Variants in CERS6 observed in about 807,000 individuals in gnomAD.
CERS6 encodes ceramide synthase 6.
CERS6 carries 26 observed loss-of-function variants against 56.8 expected under a neutral mutation model. The ratio of observed to expected loss-of-function variants is 0.46; its 90% CI spans 0.34 to 0.63. The LOEUF (loss-of-function observed/expected upper bound fraction) is 0.63. Ranked by LOEUF, CERS6 falls within the 30% of genes least tolerant of loss-of-function variation. The pLI, the probability that CERS6 is intolerant of heterozygous loss-of-function variation, is 0.01. For missense variants in CERS6, 415 were observed against 467.5 expected (o/e 0.89, Z 1.04); for synonymous variants, 164 against 173.3 (o/e 0.95, Z 0.42).
At chr2:168,750,452 A>G (rs137878946) in intron 8 of CERS6, among the ~76,000 whole-genome samples, 193 of 152,326 alleles carry the variant, frequency 1.3e-3, no homozygotes, top group African/African-American at 4.4e-3. Flanking sequence ...TGTTTCTAAC[A>G]TTTTATGTGT....
chr2:168,625,159 A>T (rs1684562513), intron 3 of CERS6, among the ~76,000 whole-genome samples: 1 of 152,200 alleles, frequency 6.6e-6, no homozygotes, highest in Non-Finnish European at 1.5e-5. Flanking sequence ...TGAAATGAGA[A>T]TGTCTCAATT....
chr2:168,681,787 C>T (rs1339675084), intron 4 of CERS6, among the ~76,000 whole-genome samples: 2 of 152,120 alleles, frequency 1.3e-5, no homozygotes, highest in Non-Finnish European at 2.9e-5. Flanking sequence ...TGGCTAACCC[C>T]CTCCCCTTAC....
At chr2:168,738,941 A>G (rs1025498807) in intron 8 of CERS6, among the ~76,000 whole-genome samples, 4 of 151,826 alleles carry the variant, frequency 2.6e-5, no homozygotes, top group Admixed American at 1.3e-4. Flanking sequence ...GCTGGAGTGC[A>G]GCGGCACTAT....
At chr2:168,722,493 T>G (rs1041602106) in intron 8 of CERS6, among the ~76,000 whole-genome samples, 50 of 152,238 alleles carry the variant, frequency 3.3e-4, no homozygotes, top group African/African-American at 1.1e-3. Flanking sequence ...TTCATTCTTG[T>G]GTGTGTGGAT....
chr2:168,512,112 T>A (rs1399806292), intron 1 of CERS6, among the ~76,000 whole-genome samples: 3 of 152,188 alleles, frequency 2.0e-5, no homozygotes, highest in Admixed American at 1.3e-4. Flanking sequence ...TCCACTCATA[T>A]AAGGTACCTA....
chr2:168,661,369 G>A (rs1685625684), intron 4 of CERS6, among the ~76,000 whole-genome samples: 1 of 152,134 alleles, frequency 6.6e-6, no homozygotes, highest in Non-Finnish European at 1.5e-5. Flanking sequence ...TAATTATAAA[G>A]AATTTCCCAA....
intron 4 of CERS6, among the ~76,000 whole-genome samples, chr2:168,649,888 C>A (rs908745078): frequency 6.6e-6 from 1 of 152,080 alleles, no homozygotes; most frequent in African/African-American, 2.4e-5. Context: ...CTTCCCCAAA[C>A]TTACTGTAAG....
At chr2:168,663,228 A>C (rs1685677736) in intron 4 of CERS6, among the ~76,000 whole-genome samples, 2 of 152,166 alleles carry the variant, frequency 1.3e-5, no homozygotes. Flanking sequence ...CAAACTTAAA[A>C]ATGATAGTAC....
intron 8 of CERS6, among the ~76,000 whole-genome samples, chr2:168,754,578 A>G (rs1026175353): frequency 6.6e-6 from 1 of 152,100 alleles, no homozygotes; most frequent in African/African-American, 2.4e-5. Flanking sequence ...GATGGGTGGA[A>G]TTTGATCCCT....
chr2:168,651,306 A>G (rs767525703), intron 4 of CERS6, among the ~76,000 whole-genome samples: 1 of 152,120 alleles, frequency 6.6e-6, no homozygotes, highest in Non-Finnish European at 1.5e-5. Flanking sequence ...AACCATTAGA[A>G]CCAAGCCACA....
At chr2:168,477,790 G>T (rs773346100) in intron 1 of CERS6, among the ~76,000 whole-genome samples, 24 of 152,200 alleles carry the variant, frequency 1.6e-4, no homozygotes, top group Non-Finnish European at 3.1e-4. Context: ...GATTGAACTT[G>T]CAAACGCTTG....
intron 2 of CERS6, among the ~76,000 whole-genome samples, chr2:168,549,498 G>A (rs1178436908): frequency 6.6e-6 from 1 of 152,150 alleles, no homozygotes; most frequent in African/African-American, 2.4e-5. Flanking sequence ...AGCCAGGCGT[G>A]GTGGCGGGTG....
At position 168,691,020 on chromosome 2, in the gene CERS6, G is replaced by T. The variant is rs545016202; in HGVS notation, c.466-14G>T. The T allele has an allele frequency of 1.9e-6, 3 of 1,610,416 alleles. No individual in the cohort carries two copies. The highest frequency in any genetic ancestry group is 2.2e-5 in the East Asian group (1 of 44,852). On this transcript the variant is annotated splice_polypyrimidine_tract_variant and intron_variant, in intron 4 of 9. Coordinates refer to ENST00000305747, the MANE Select transcript of CERS6 (RefSeq NM_203463.3). The stretch of plus-strand genomic sequence containing the variant: ...TTCTAAAATATGTAAAATATTTTTT[G>T]TCATTTTTTTCAGACCCCCTGGTTG...
At chr2:168,580,464 T>A (rs554557659) in intron 3 of CERS6, among the ~76,000 whole-genome samples, 1 of 152,338 alleles carries the variant, frequency 6.6e-6, no homozygotes, top group South Asian at 2.1e-4. Context: ...CCAAGGTGTT[T>A]AGAGTATTTT....
chr2:168,461,622 A>C (rs1265332287), intron 1 of CERS6, among the ~76,000 whole-genome samples: 2 of 152,214 alleles, frequency 1.3e-5, no homozygotes, highest in African/African-American at 4.8e-5. Flanking sequence ...AAAAGTTTTG[A>C]ATTTACACAG....
At chr2:168,749,277 A>G (rs954569196) in intron 8 of CERS6, among the ~76,000 whole-genome samples, 3 of 152,152 alleles carry the variant, frequency 2.0e-5, no homozygotes, top group Non-Finnish European at 4.4e-5. Context: ...CCTCTTCGCT[A>G]TCTGAATCCC....
rs371131545 is a variant in CERS6, at chr2:168,717,950, A to G, written c.817A>G (p.Thr273Ala). The G allele has an allele frequency of 1.2e-6, 2 of 1,613,310 alleles. No homozygotes were observed. The highest frequency in any genetic ancestry group is 1.7e-6 in the Non-Finnish European group (2 of 1,179,544). Residue 273 changes from threonine to alanine, a missense_variant, in exon 8 of 10, where the codon ACC (threonine) becomes GCC (alanine). Transcript: ENST00000305747. ...TGTTATGTTTGCCGTGGTTTTTATCACCACACGACTGGGTATATTTCCTCT... is the reference window on the plus strand; with the variant it reads ...TGTTATGTTTGCCGTGGTTTTTATCGCCACACGACTGGGTATATTTCCTCT... Reference protein sequence around the residue: ...LFVMFAVVFITTRLGIFPLWV... With the variant: ...LFVMFAVVFIATRLGIFPLWV...
At chr2:168,463,486 G>A (rs1693812966) in intron 1 of CERS6, among the ~76,000 whole-genome samples, 1 of 152,172 alleles carries the variant, frequency 6.6e-6, no homozygotes, top group Non-Finnish European at 1.5e-5. Flanking sequence ...GTTTCCTAGA[G>A]GTGGCATTTC....
At chr2:168,531,040 C>T (rs1695157454) in intron 1 of CERS6, among the ~76,000 whole-genome samples, 2 of 151,844 alleles carry the variant, frequency 1.3e-5, no homozygotes, top group Admixed American at 1.3e-4. Context: ...AGAAAACAAT[C>T]CTTAATTAAA....
Sources: gnomAD v4.1 joint callset for allele counts (sites outside exome capture counted in the v4.1 genomes callset) on GRCh38, gnomAD v4.1.1 for gene constraint, MANE v1.5 for transcripts, NCBI Gene and HGNC (gene_info 2026-07-23, HGNC 2026-07-21) for gene names.